Variants in BMS1 observed in about 807,000 individuals in gnomAD.
BMS1 encodes the protein ribosome biogenesis protein BMS1 homolog.
BMS1 carries 53 observed loss-of-function variants against 138.7 expected under a neutral mutation model. That is an observed-to-expected ratio of 0.38 (90% confidence interval 0.31 to 0.48). The LOEUF is 0.48. BMS1 is among the 20% of genes least tolerant of loss of function. The pLI, the probability that BMS1 is intolerant of heterozygous loss-of-function variation, is 0.97. For missense variants in BMS1, 1,360 were observed against 1,565.5 expected, an observed-to-expected ratio of 0.87 and a Z score of 2.22; for synonymous variants, 504 against 539.9, an observed-to-expected ratio of 0.93 and a Z score of 0.92.
chr10:42,803,328 G>T (rs1189760291), intron 13 of BMS1, among the ~76,000 whole-genome samples: 2 of 152,092 alleles, frequency 1.3e-5, no homozygotes, highest in Admixed American at 6.6e-5. Flanking sequence ...TTGTACAGAT[G>T]GGGGTCTTGC....
At chr10:42,797,597 A>C in intron 11 of BMS1, 74 bp downstream of exon 11, 1 of 1,443,806 alleles carries the variant, frequency 6.9e-7, no homozygotes, top group Non-Finnish European at 9.7e-7. Flanking sequence ...TGGTTGGAGG[A>C]TTCGGCTGGT....
At chr10:42,818,077 G>T (rs1009764746) in intron 15 of BMS1, among the ~76,000 whole-genome samples, 1 of 152,192 alleles carries the variant, frequency 6.6e-6, no homozygotes, top group Non-Finnish European at 1.5e-5. Context: ...ACACAGAAAC[G>T]TGTGTACAGT....
chr10:42,792,948 G>A lies in BMS1; in HGVS notation c.902-9G>A. 6.2e-7 allele frequency: 1 copy of A among 1,606,042 alleles called. No homozygotes were observed. Among genetic ancestry groups the A allele is most frequent in the South Asian group, 1.1e-5 (1 of 89,732 alleles). On this transcript the variant is annotated splice_polypyrimidine_tract_variant and intron_variant, in intron 7 of 22. Transcript: ENST00000374518. ...CAGCTGAAGCTGGCTTTTGGGTTCT[G>A]TCTTCCAGGGGTAGGAGATTTTGCC...
chr10:42,792,482 TA>T lies in BMS1; in HGVS notation c.780-10del. ...CATTCATTTCTGCTGTGATTGAATTTATTTTTCTAGGATGGAAGATTTGACA... is the reference window on the plus strand; with the variant it reads ...CATTCATTTCTGCTGTGATTGAATTTTTTTTCTAGGATGGAAGATTTGACA... On this transcript the variant is annotated splice_polypyrimidine_tract_variant and intron_variant, in intron 6 of 22. Transcript: ENST00000374518. 4 of 1,610,384 alleles carry T rather than the reference TA, an allele frequency of 2.5e-6. No homozygotes were observed. The highest frequency in any genetic ancestry group is 3.4e-6 in the Non-Finnish European group (4 of 1,179,326).
At position 42,823,073 on chromosome 10, in the gene BMS1, T is replaced by C. The variant is rs1371356558; in HGVS notation, c.3133-45T>C. Reference sequence around the variant, plus strand: ...TTGAAGTAAGAAGTAAAGCATAAAGTATATGATTTTGTGTGTGTGTGTTTT... The same window carrying C: ...TTGAAGTAAGAAGTAAAGCATAAAGCATATGATTTTGTGTGTGTGTGTTTT... On this transcript the variant is annotated intron_variant, in intron 19 of 22. Transcript: ENST00000374518. The C allele has an allele frequency of 2.1e-6, 3 of 1,453,316 alleles. No homozygotes were observed. In the African/African-American group the frequency reaches 4.3e-5, roughly 21 times the overall value. 90.0% of individuals were successfully genotyped at this position (1,453,316 alleles called of 1,614,324 possible). A position where few individuals can be genotyped will look rare whatever the true frequency, so the allele number is the denominator to read the frequency against.
At chr10:42,800,465 A>G (rs539508029) in intron 12 of BMS1, among the ~76,000 whole-genome samples, 11 of 152,146 alleles carry the variant, frequency 7.2e-5, no homozygotes, top group African/African-American at 2.6e-4. Context: ...ACTTCTTTAA[A>G]GAGAAACTTT....
chr10:42,799,785 T>C (rs964974032), intron 12 of BMS1, among the ~76,000 whole-genome samples: 13 of 152,334 alleles, frequency 8.5e-5, no homozygotes, highest in African/African-American at 3.1e-4. Flanking sequence ...GCTTTCCTTT[T>C]CTTCCTGGTT....
Position 42,796,526 on chromosome 10 carries a change from C to T in BMS1, c.1282C>T (p.Arg428Cys), listed in dbSNP as rs766620569. The change falls in exon 10 of 23, where the codon CGT (arginine) becomes TGT (cysteine). Residue 428 changes from arginine to cysteine, a missense_variant. Physicochemically the swap from Arg to Cys is radical, Grantham distance 180 (BLOSUM62 -3). This residue lies in a region of BMS1 where 697 missense variants were observed against 686.2 expected (regional missense o/e 1.02). Coordinates refer to ENST00000374518, the MANE Select transcript of BMS1 (RefSeq NM_014753.4). Reference sequence around the variant, plus strand: ...AATGGACTTGAACACTGGTCGAATGCGTCGGAAAGCCATTTTCGGAGATGA... The same window carrying T: ...AATGGACTTGAACACTGGTCGAATGTGTCGGAAAGCCATTTTCGGAGATGA... ...KQMDLNTGRMRRKAIFGDEDE... is the reference protein window; with the variant it reads ...KQMDLNTGRMCRKAIFGDEDE... 7 of 1,614,054 alleles carry T rather than the reference C, an allele frequency of 4.3e-6. No individual in the cohort carries two copies. Among genetic ancestry groups the T allele is most frequent in the Non-Finnish European group, 5.1e-6 (6 of 1,180,002 alleles).
At chr10:42,825,851 T>C (rs1460282432) in intron 21 of BMS1, among the ~76,000 whole-genome samples, 3 of 152,252 alleles carry the variant, frequency 2.0e-5, no homozygotes, top group Non-Finnish European at 1.5e-5. Flanking sequence ...TATTCAATCT[T>C]AGTGGAAAAG....
intron 4 of BMS1, among the ~76,000 whole-genome samples, chr10:42,788,628 C>T (rs372851218): frequency 1.3e-5 from 2 of 152,202 alleles, no homozygotes; most frequent in African/African-American, 4.8e-5. Context: ...CCCTCTTTGT[C>T]CCTCCCTCCC....
At chr10:42,813,253 C>T (rs1291824128) in intron 13 of BMS1, among the ~76,000 whole-genome samples, 13 of 152,166 alleles carry the variant, frequency 8.5e-5, no homozygotes, top group Non-Finnish European at 1.8e-4. Context: ...TCCATCCATC[C>T]GTCTTTTGGT....
intron 4 of BMS1, 93 bp downstream of exon 4, chr10:42,787,340 A>G (rs746538548): frequency 3.6e-4 from 355 of 999,014 alleles, no homozygotes; most frequent in Non-Finnish European, 5.0e-4. Flanking sequence ...GAGTCTTATA[A>G]TTATTAAAAG....
rs1841696167 is a variant in BMS1 at position 42,796,709 on chromosome 10, G to A, written c.1465G>A (p.Glu489Lys). The change falls in exon 10 of 23, where the codon GAG (glutamate) becomes AAG (lysine). Residue 489 changes from glutamate (E) to lysine (K), a missense_variant. Around this residue, in one of 3 missense-constraint regions of BMS1, gnomAD observed 697 missense variants for 686.2 expected, o/e 1.02. Coordinates refer to ENST00000374518, the MANE Select transcript of BMS1 (RefSeq NM_014753.4). ...TAAGGGCATCAAACGACGGAAACTT[G>A]AGTTGGAAGAAGACAGTGAAATGGA... ...AVKGIKRRKL[E>K]LEEDSEMDLP... is the part of the protein sequence containing the mutation. 1.9e-6 allele frequency: 3 copies of A among 1,614,084 alleles called. No homozygotes were observed. The highest frequency in any genetic ancestry group is 2.7e-5 in the African/African-American group (2 of 74,926).
chr10:42,803,243 A>G (rs550801351), intron 13 of BMS1, among the ~76,000 whole-genome samples: 57 of 152,240 alleles, frequency 3.7e-4, no homozygotes. Flanking sequence ...GGCTTAAGAG[A>G]TACTCCTGCC....
chr10:42,821,979 T>C (rs1401755002), intron 18 of BMS1, 83 bp from the exon 19 acceptor site: 3 of 1,349,396 alleles, frequency 2.2e-6, no homozygotes, highest in South Asian at 1.2e-5. Context: ...AAATTCACTT[T>C]GGTAATTTAT....
At chr10:42,796,079 C>T (rs1286679984) in intron 9 of BMS1, among the ~76,000 whole-genome samples, 1 of 152,216 alleles carries the variant, frequency 6.6e-6, no homozygotes, top group East Asian at 1.9e-4. Flanking sequence ...GATCCAGGCT[C>T]ATTTTGCCTT....
intron 13 of BMS1, among the ~76,000 whole-genome samples, chr10:42,809,546 C>T (rs534101160): frequency 2.4e-4 from 37 of 152,230 alleles, no homozygotes; most frequent in African/African-American, 6.7e-4. Flanking sequence ...TAGGCGTGAG[C>T]GACCATGCCT....
intron 4 of BMS1, among the ~76,000 whole-genome samples, chr10:42,788,122 A>C (rs1023968328): frequency 9.9e-5 from 15 of 152,206 alleles, no homozygotes; most frequent in African/African-American, 3.4e-4. Context: ...TACAGATTTT[A>C]AAGTTGTGCC....
chr10:42,821,925 A>G (rs1053292359), intron 18 of BMS1, 137 bp from the exon 19 acceptor site: 14 of 916,144 alleles, frequency 1.5e-5, no homozygotes, highest in Non-Finnish European at 2.2e-5. Context: ...ACTGGGTTGC[A>G]AGTTCACATG....
Sources: allele counts gnomAD v4.1 joint callset (sites outside exome capture counted in the v4.1 genomes callset), GRCh38; gene constraint gnomAD v4.1.1; regional missense constraint gnomAD v4.1.1; transcripts MANE v1.5; gene names NCBI Gene and HGNC (gene_info 2026-07-23, HGNC 2026-07-21).